The following PLEKHG7 variants were observed in gnomAD, a reference collection of about 807,000 sequenced individuals.
PLEKHG7 encodes the protein pleckstrin homology and RhoGEF domain containing G7, also known as pleckstrin homology domain-containing family G member 7.
In PLEKHG7, 77 loss-of-function variants were observed where a neutral mutation model predicts 85.2. The ratio of observed to expected loss-of-function variants is 0.90; its 90% CI spans 0.75 to 1.09. PLEKHG7 has a LOEUF of 1.09. PLEKHG7 is among the 50% of genes least tolerant of loss of function. The pLI is 0.00. For missense variants in PLEKHG7, 777 were observed against 804.3 expected, an observed-to-expected ratio of 0.97 and a Z score of 0.41; for synonymous variants, 301 against 302.4, an observed-to-expected ratio of 1.00 and a Z score of 0.05.
At chr12:92,722,079 C>G in intron 3 of PLEKHG7, among the ~76,000 whole-genome samples, 1 of 151,012 alleles carries the variant, frequency 6.6e-6, no homozygotes, top group East Asian at 1.9e-4. Context: ...AAAAAAAAAA[C>G]CCTAATATTT....
chr12:92,756,326 T>C lies in PLEKHG7; in HGVS notation c.1571T>C (p.Met524Thr), dbSNP rs924326. Residue 524 changes from methionine (M) to threonine (T), a missense_variant, in exon 13 of 17, where the codon ATG becomes ACG. By Grantham distance (81) the Met-to-Thr change is moderately conservative. Coordinates refer to ENST00000344636, the MANE Select transcript of PLEKHG7 (RefSeq NM_001377329.1). ...ECLKHIFKEH[M>T]AENILSPTSR... ...TTGAAACACATTTTTAAAGAACACATGGCAGAAAACATCTTGTCACCAACC... is the reference window on the plus strand; with the variant it reads ...TTGAAACACATTTTTAAAGAACACACGGCAGAAAACATCTTGTCACCAACC... The C allele has an allele frequency of 0.52, 844,156 of 1,609,064 alleles. 229,438 individuals are homozygous for C. The highest frequency in any genetic ancestry group is 0.93 in the East Asian group (41,605 of 44,842).
chr12:92,745,373 T>TAG (rs1872504386), intron 9 of PLEKHG7, 105 bp from the exon 10 acceptor site: 1 of 749,014 alleles, frequency 1.3e-6, no homozygotes, highest in African/African-American at 1.8e-5. Context: ...CTCCTCCACT[T>TAG]TTCCCTGTTC....
chr12:92,747,622 G>A (rs145014101), intron 10 of PLEKHG7, among the ~76,000 whole-genome samples: 88 of 152,302 alleles, frequency 5.8e-4, no homozygotes, highest in African/African-American at 2.0e-3. Flanking sequence ...GCTTATTGCA[G>A]CACTATTTAC....
chr12:92,706,960 C>G lies in PLEKHG7; in HGVS notation c.329C>G (p.Ser110Cys). The change falls in exon 2 of 17, where the codon TCT becomes TGT. Residue 110 changes from serine to cysteine, a missense_variant. Physicochemically the swap from Ser to Cys is moderately radical, Grantham distance 112 (BLOSUM62 -1). This residue lies in a region of PLEKHG7 where 252 missense variants were observed against 241.9 expected (regional missense o/e 1.04). Coordinates refer to ENST00000344636, the MANE Select transcript of PLEKHG7 (RefSeq NM_001377329.1). ...TTGAGACTCCACTCAAGATTGACCT[C>G]TGAACCTGAAAGGGCCCTGAATGCA... ...SPLRLHSRLT[S>C]EPERALNAAD... 8 of 1,614,204 alleles carry G rather than the reference C, an allele frequency of 5.0e-6. No homozygotes were observed. The highest frequency in any genetic ancestry group is 5.9e-6 in the Non-Finnish European group (7 of 1,180,032).
chr12:92,709,067 C>T (rs1871319158), intron 3 of PLEKHG7, among the ~76,000 whole-genome samples: 1 of 152,124 alleles, frequency 6.6e-6, no homozygotes, highest in Non-Finnish European at 1.5e-5. Context: ...AATTTTATTC[C>T]TTACCCTAAG....
At chr12:92,745,430 C>G in intron 9 of PLEKHG7, 48 bp from the exon 10 acceptor site, 1 of 1,261,626 alleles carries the variant, frequency 7.9e-7, no homozygotes, top group East Asian at 2.3e-5. Flanking sequence ...GGGCTCAATG[C>G]TCTCCTTAAC....
chr12:92,761,013 C>A (rs188860352), intron 13 of PLEKHG7, among the ~76,000 whole-genome samples: 2 of 152,284 alleles, frequency 1.3e-5, no homozygotes, highest in African/African-American at 2.4e-5. Context: ...GCGCTCTCTT[C>A]AAGACAAGGA....
chr12:92,725,643 C>A (rs1192759173), intron 3 of PLEKHG7, among the ~76,000 whole-genome samples: 1 of 152,120 alleles, frequency 6.6e-6, no homozygotes, highest in African/African-American at 2.4e-5. Context: ...TATTTTGTGT[C>A]TACACTCTGT....
chr12:92,721,968 G>A (rs1281713289), intron 3 of PLEKHG7, among the ~76,000 whole-genome samples: 1 of 151,968 alleles, frequency 6.6e-6, no homozygotes, highest in African/African-American at 2.4e-5. Flanking sequence ...CTTTGCTTAG[G>A]GGAGGGAGAT....
intron 9 of PLEKHG7, among the ~76,000 whole-genome samples, chr12:92,743,378 C>G (rs1872424986): frequency 6.6e-6 from 1 of 152,218 alleles, no homozygotes; most frequent in Non-Finnish European, 1.5e-5. Flanking sequence ...AACAGTATAC[C>G]TGTGCCTCAC....
At chr12:92,719,159 A>G (rs1324030203) in intron 3 of PLEKHG7, among the ~76,000 whole-genome samples, 2 of 152,258 alleles carry the variant, frequency 1.3e-5, no homozygotes, top group South Asian at 2.1e-4. Context: ...TTTGAAACTC[A>G]TAATGGAAAA....
chr12:92,734,090 C>T (rs916451168), intron 5 of PLEKHG7, among the ~76,000 whole-genome samples: 8 of 152,212 alleles, frequency 5.3e-5, no homozygotes, highest in Non-Finnish European at 8.8e-5. Context: ...CTAGAAGCTT[C>T]ACTTTCACAA....
chr12:92,713,128 C>G (rs1871396531), intron 3 of PLEKHG7, among the ~76,000 whole-genome samples: 1 of 152,064 alleles, frequency 6.6e-6, no homozygotes, highest in African/African-American at 2.4e-5. Context: ...GGCTGCATAT[C>G]AAAAAAAGAT....
chr12:92,760,641 AC>A (rs1202771870), intron 13 of PLEKHG7, among the ~76,000 whole-genome samples: 2 of 152,166 alleles, frequency 1.3e-5, no homozygotes, highest in African/African-American at 2.4e-5. Flanking sequence ...CTTAAATTTA[AC>A]CCTTTTTTCT....
At chr12:92,768,306 A>G (rs960259447) in intron 15 of PLEKHG7, among the ~76,000 whole-genome samples, 4 of 152,110 alleles carry the variant, frequency 2.6e-5, no homozygotes, top group African/African-American at 9.7e-5. Context: ...CGCTCCTGCT[A>G]TATTAGAAAA....
At chr12:92,713,680 CCT>C (rs1225010988) in intron 3 of PLEKHG7, among the ~76,000 whole-genome samples, 2 of 152,134 alleles carry the variant, frequency 1.3e-5, no homozygotes, top group African/African-American at 4.8e-5. Context: ...ATCTTCTGAC[CCT>C]CTCTACTGGG....
chr12:92,715,124 C>A (rs1871446071), intron 3 of PLEKHG7, among the ~76,000 whole-genome samples: 1 of 152,174 alleles, frequency 6.6e-6, no homozygotes, highest in South Asian at 2.1e-4. Context: ...GGCTGTCTGC[C>A]AGCTGCGGAG....
At chr12:92,755,160 G>C (rs1443985413) in intron 11 of PLEKHG7, among the ~76,000 whole-genome samples, 1 of 152,182 alleles carries the variant, frequency 6.6e-6, no homozygotes, top group African/African-American at 2.4e-5. Context: ...CAGCACCTCT[G>C]GAGATTTCTC....
chr12:92,705,737 C>T (rs866420628), intron 1 of PLEKHG7, among the ~76,000 whole-genome samples: 13 of 152,204 alleles, frequency 8.5e-5, no homozygotes, highest in African/African-American at 2.9e-4. Flanking sequence ...CCCACACATA[C>T]CTTCTTCATG....
Sources: allele counts gnomAD v4.1 joint callset (sites outside exome capture counted in the v4.1 genomes callset), GRCh38; gene constraint gnomAD v4.1.1; regional missense constraint gnomAD v4.1.1; transcripts MANE v1.5; gene names NCBI Gene and HGNC (gene_info 2026-07-23, HGNC 2026-07-21).